PSME2: variants seen among roughly 807,000 people sequenced by gnomAD.
The protein encoded by PSME2 is proteasome activator complex subunit 2.
Under a neutral mutation model 38.8 loss-of-function variants are expected in PSME2, and 20 were observed. The observed-to-expected ratio is 0.52, with a 90% confidence interval of 0.36 to 0.75. PSME2 has a LOEUF of 0.75. Ranked by LOEUF, PSME2 falls within the 30% of genes least tolerant of loss-of-function variation. The pLI is 0.00. For synonymous variants in PSME2, 82 were observed against 102.5 expected, an observed-to-expected ratio of 0.80 and a Z score of 1.21; for missense variants, 227 against 287.6, an observed-to-expected ratio of 0.79 and a Z score of 1.52.
intron 2 of PSME2, 160 bp downstream of exon 2, chr14:24,146,048 A>G (rs940125203): frequency 1.1e-6 from 1 of 914,132 alleles, no homozygotes; most frequent in Middle Eastern, 2.2e-4. Context: ...AGGTCAGATT[A>G]AAGGTAGCTA....
intron 6 of PSME2, 108 bp downstream of exon 6, chr14:24,144,950 T>C (rs1328347351): frequency 8.6e-7 from 1 of 1,156,410 alleles, no homozygotes. Flanking sequence ...GAAGGAAGTT[T>C]TCTTTTTCAG....
rs2038110853 is a variant in PSME2 at position 24,143,743 on chromosome 14, GA to G, written c.553-73del. 1 of 1,500,170 alleles carries G rather than the reference GA, an allele frequency of 6.7e-7. No individual in the cohort carries two copies. Among genetic ancestry groups the G allele is most frequent in the Non-Finnish European group, 9.3e-7 (1 of 1,079,660 alleles). The allele number at this position is 1,500,170 out of a possible 1,614,324, so 92.9% of individuals were successfully genotyped here. ...ACATGAGTCTGGTTTCCTTTTATAG[GA>G]AATAGGTTAACTTGAGAATGAACCC... is the stretch of plus-strand genomic sequence containing the variant. On this transcript the variant is annotated intron_variant, in intron 9 of 10. Coordinates refer to ENST00000216802, the MANE Select transcript of PSME2 (RefSeq NM_002818.3). This position sits in a 1 kb window ranked among gnomAD's most constrained non-coding sequence, Gnocchi z 4.4.
intron 2 of PSME2, 60 bp downstream of exon 2, chr14:24,146,148 T>C: frequency 6.3e-7 from 1 of 1,583,006 alleles, no homozygotes; most frequent in Non-Finnish European, 8.7e-7. Context: ...TCTGAGAGGC[T>C]GTTATCCTCA....
chr14:24,144,761 C>A, intron 6 of PSME2: 1 of 568,712 alleles, frequency 1.8e-6, no homozygotes, highest in Non-Finnish European at 3.1e-6. Context: ...TCTCTAGGGT[C>A]CAATCTTTTA....
chr14:24,146,446 TG>T (rs2038157890), intron 1 of PSME2, 87 bp downstream of exon 1: 3 of 1,557,732 alleles, frequency 1.9e-6, no homozygotes, highest in Non-Finnish European at 2.6e-6. Context: ...GGGAGTTCTC[TG>T]GCACTGCTTG....
intron 7 of PSME2, 25 bp downstream of exon 7, chr14:24,144,375 G>T (rs750217465): frequency 1.1e-5 from 18 of 1,608,814 alleles, no homozygotes; most frequent in Non-Finnish European, 1.5e-5. Context: ...CCCACTCTAA[G>T]TATCTTCAGT....
At position 24,145,442 on chromosome 14, in the gene PSME2, G is replaced by A; in HGVS notation, c.168C>T (p.Asp56=). ...CCAGTGGGGCCCGGAGGGAAGTCAA[G>A]TCAGCCACATTGAGGGAGTCCTCCT... ...LLQEDSLNVA[D]LTSLRAPLDI... Residue 56 remains aspartate, a synonymous_variant, in exon 4 of 11, where the codon GAC becomes GAT. Coordinates refer to ENST00000216802, the MANE Select transcript of PSME2 (RefSeq NM_002818.3). The A allele has an allele frequency of 1.9e-6, 3 of 1,555,722 alleles. No homozygotes were observed. Among genetic ancestry groups the A allele is most frequent in the South Asian group, 2.5e-5 (2 of 80,250 alleles).
chr14:24,145,664 G>C, intron 3 of PSME2, 46 bp downstream of exon 3: 2 of 1,575,302 alleles, frequency 1.3e-6, no homozygotes, highest in Non-Finnish European at 1.7e-6. Context: ...GTGGGCAAAG[G>C]GGATAGAGGA....
chr14:24,144,998 G>A (rs1024639644), intron 6 of PSME2, 60 bp downstream of exon 6: 17 of 1,492,814 alleles, frequency 1.1e-5, no homozygotes, highest in Admixed American at 1.0e-4. Flanking sequence ...ATCTACGGAG[G>A]AGTCCAGGGC....
intron 2 of PSME2, 127 bp downstream of exon 2, chr14:24,146,081 G>T: frequency 8.4e-7 from 1 of 1,195,938 alleles, no homozygotes; most frequent in South Asian, 1.3e-5. Context: ...GGGTTACTTT[G>T]GGTGAAGGCT....
chr14:24,145,639 T>G (rs896785793), intron 3 of PSME2, 71 bp downstream of exon 3: 2 of 1,528,958 alleles, frequency 1.3e-6, no homozygotes, highest in African/African-American at 2.7e-5. Context: ...TGAATCCAGT[T>G]GTTAGCTAGA....
chr14:24,144,319 T>TTCC (rs1198413638), intron 7 of PSME2, 60 bp from the exon 8 acceptor site: 3 of 1,609,026 alleles, frequency 1.9e-6, no homozygotes, highest in Non-Finnish European at 2.6e-6. Context: ...ATACACTATC[T>TTCC]TCCTCCTCCT....
At position 24,146,514 on chromosome 14, in the gene PSME2, G is replaced by A. The variant is rs748656241; in HGVS notation, c.48+20C>T. On this transcript the variant is annotated intron_variant, in intron 1 of 10. Transcript: ENST00000216802. ...CAAGAGGGTTCTATGACCCCTTCCT[G>A]GCCTCCGATTCCCCATTACCTGTTT... 4 of 1,613,902 alleles carry A rather than the reference G, an allele frequency of 2.5e-6. No homozygotes were observed. The highest frequency in any genetic ancestry group is 2.5e-6 in the Non-Finnish European group (3 of 1,180,008).
Position 24,143,952 on chromosome 14 carries a change from A to G in PSME2, c.552+23T>C. ...CCTCCTCGTCCCACACCCAGCTAAA[A>G]GGCTGGTGGACTATCCACTCACTAC... On this transcript the variant is annotated intron_variant, in intron 9 of 10. Coordinates refer to ENST00000216802, the MANE Select transcript of PSME2 (RefSeq NM_002818.3). The surrounding 1 kb of genome is among the most constrained non-coding windows in gnomAD (Gnocchi z 4.4). 1.9e-6 allele frequency: 3 copies of G among 1,611,710 alleles called. No homozygotes were observed. The highest frequency in any genetic ancestry group is 2.5e-6 in the Non-Finnish European group (3 of 1,177,958).
chr14:24,144,322 C>T, intron 7 of PSME2, 63 bp from the exon 8 acceptor site: 1 of 1,603,582 alleles, frequency 6.2e-7, no homozygotes, highest in Non-Finnish European at 8.5e-7. Context: ...CACTATCTTC[C>T]TCCTCCTCCT....
chr14:24,144,123 T>C, intron 8 of PSME2, 69 bp downstream of exon 8: 1 of 1,610,814 alleles, frequency 6.2e-7, no homozygotes, highest in Non-Finnish European at 8.5e-7. Flanking sequence ...CTGATAGGGC[T>C]GCCCAGCTCT....
intron 1 of PSME2, 50 bp downstream of exon 1, chr14:24,146,484 C>T: frequency 6.2e-7 from 1 of 1,611,984 alleles, no homozygotes; most frequent in Non-Finnish European, 8.5e-7. Context: ...AGCTTGGCCT[C>T]CACCCAAGAG....
intron 2 of PSME2, 75 bp downstream of exon 2, chr14:24,146,133 G>C: frequency 6.5e-7 from 1 of 1,548,438 alleles, no homozygotes; most frequent in Non-Finnish European, 8.9e-7. Context: ...ACTTGGGGGG[G>C]TCATTCTGAG....
chr14:24,144,439 G>C lies in PSME2; in HGVS notation c.390C>G (p.Pro130=). The C allele has an allele frequency of 6.2e-7, 1 of 1,613,422 alleles. No homozygotes were observed. The highest frequency in any genetic ancestry group is 8.5e-7 in the Non-Finnish European group (1 of 1,179,422). Residue 130 remains proline, a synonymous_variant, in exon 7 of 11, where the codon CCC becomes CCG. Coordinates refer to ENST00000216802, the MANE Select transcript of PSME2 (RefSeq NM_002818.3). ...LVITWIQHLI[P]KIEDGNDFGV... ...CAAAATCATTTCCATCTTCAATCTT[G>C]GGGATCAGGTGTTGGATCCATGTAA...
Sources: allele counts gnomAD v4.1 joint callset, GRCh38; gene constraint gnomAD v4.1.1; non-coding constraint Gnocchi (gnomAD v3.1); transcripts MANE v1.5; gene names NCBI Gene and HGNC (gene_info 2026-07-23, HGNC 2026-07-21).